The following PID1 variants were observed in gnomAD, a reference collection of about 807,000 sequenced individuals.
PID1 encodes the protein phosphotyrosine interaction domain containing 1, also known as PTB-containing, cubilin and LRP1-interacting protein.
A neutral mutation model predicts 19.1 loss-of-function variants in PID1; 10 were observed. The ratio of observed to expected loss-of-function variants is 0.52; its 90% CI spans 0.32 to 0.89. PID1 has a LOEUF of 0.89. Ranked by LOEUF, PID1 falls within the 40% of genes least tolerant of loss-of-function variation. The pLI is 0.03. For missense variants in PID1, 248 were observed against 285.3 expected (o/e 0.87, Z 0.94); for synonymous variants, 130 against 116.0 (o/e 1.12, Z -0.78).
At chr2:229,051,764 T>C (rs1435338461) in intron 2 of PID1, among the ~76,000 whole-genome samples, 2 of 152,208 alleles carry the variant, frequency 1.3e-5, no homozygotes, top group Non-Finnish European at 1.5e-5. Context: ...TCTGCCTCAT[T>C]GTAAAGTCTG....
At chr2:229,210,267 C>T (rs1691699632) in intron 1 of PID1, among the ~76,000 whole-genome samples, 1 of 151,854 alleles carries the variant, frequency 6.6e-6, no homozygotes. Context: ...AATCCCAGCA[C>T]TTTGGGAGGC....
chr2:229,270,125 G>T (rs1166615660), intron 1 of PID1, among the ~76,000 whole-genome samples: 1 of 152,202 alleles, frequency 6.6e-6, no homozygotes, highest in African/African-American at 2.4e-5. Context: ...AGTTAAACAC[G>T]TCTTCAAAGT....
intron 1 of PID1, among the ~76,000 whole-genome samples, chr2:229,194,004 C>T (rs762581183): frequency 7.2e-5 from 11 of 152,018 alleles, no homozygotes; most frequent in South Asian, 2.1e-4. Context: ...GAATTTATTA[C>T]CCCATGTATA....
rs756431970 is a variant in PID1, at chr2:229,121,696, A to G, written c.177+34122T>C. On this transcript the variant is annotated intron_variant, in intron 2 of 2. Coordinates refer to ENST00000392055, the MANE Select transcript of PID1 (RefSeq NM_001100818.2). Reference sequence around the variant, plus strand: ...TCTCAAATTATACTTTGGAGAGAGGAGTATGTGTATGGAGGGGGGAGGTAT... The same window carrying G: ...TCTCAAATTATACTTTGGAGAGAGGGGTATGTGTATGGAGGGGGGAGGTAT... Among the ~76,000 whole-genome samples the G allele has an allele frequency of 3.9e-5, 6 of 152,120 alleles. No individual in the cohort carries two copies. In the South Asian group the frequency reaches 1.0e-3, roughly 26 times the overall value.
At chr2:229,077,015 G>C (rs1230427204) in intron 2 of PID1, among the ~76,000 whole-genome samples, 1 of 152,200 alleles carries the variant, frequency 6.6e-6, no homozygotes, top group East Asian at 1.9e-4. Context: ...CTCACCAACA[G>C]TGTAAAAGCA....
intron 2 of PID1, among the ~76,000 whole-genome samples, chr2:229,144,513 A>T (rs1036804398): frequency 1.3e-5 from 2 of 152,172 alleles, no homozygotes; most frequent in African/African-American, 4.8e-5. Flanking sequence ...AAATTGAACA[A>T]TAAAGGAAAT....
intron 2 of PID1, among the ~76,000 whole-genome samples, chr2:229,130,993 C>T (rs1689727436): frequency 1.3e-5 from 2 of 152,106 alleles, no homozygotes; most frequent in African/African-American, 2.4e-5. Flanking sequence ...CCCAAATTTC[C>T]ACTTTTTATA....
At chr2:229,066,670 A>G (rs1694333302) in intron 2 of PID1, among the ~76,000 whole-genome samples, 1 of 152,050 alleles carries the variant, frequency 6.6e-6, no homozygotes, top group South Asian at 2.1e-4. Context: ...CCTCAGAGAC[A>G]GATATTTGAA....
intron 2 of PID1, among the ~76,000 whole-genome samples, chr2:229,098,743 T>C (rs944447223): frequency 6.6e-6 from 1 of 152,204 alleles, no homozygotes; most frequent in Non-Finnish European, 1.5e-5. Flanking sequence ...TGCTCCTCCA[T>C]TCTTTCTGAG....
chr2:229,198,368 C>T (rs1691422278), intron 1 of PID1, among the ~76,000 whole-genome samples: 1 of 152,030 alleles, frequency 6.6e-6, no homozygotes, highest in Non-Finnish European at 1.5e-5. Flanking sequence ...GTCTCTGGTA[C>T]AGAAGGAGCT....
chr2:229,226,413 T>C (rs908248882), intron 1 of PID1, among the ~76,000 whole-genome samples: 1 of 152,212 alleles, frequency 6.6e-6, no homozygotes, highest in African/African-American at 2.4e-5. Context: ...AATCCAGCAG[T>C]AAAATGAACA....
intron 2 of PID1, among the ~76,000 whole-genome samples, chr2:229,055,204 A>G (rs1416801259): frequency 1.3e-5 from 2 of 152,188 alleles, no homozygotes; most frequent in Non-Finnish European, 1.5e-5. Flanking sequence ...ATGCAAGAAG[A>G]GATGTGAAGC....
chr2:229,113,494 A>ATG (rs545538306), intron 2 of PID1, among the ~76,000 whole-genome samples: 1 of 117,218 alleles, frequency 8.5e-6, no homozygotes, highest in South Asian at 2.6e-4. Flanking sequence ...ATATACATGT[A>ATG]TGTGTGTGTG....
At chr2:229,099,104 G>A (rs543901906) in intron 2 of PID1, among the ~76,000 whole-genome samples, 13 of 152,210 alleles carry the variant, frequency 8.5e-5, no homozygotes, top group African/African-American at 3.1e-4. Context: ...AACAATTTTT[G>A]TGTCTTTCAA....
Position 229,269,156 on chromosome 2 carries a change from C to T in PID1, c.30+1858G>A, listed in dbSNP as rs940708589. On this transcript the variant is annotated intron_variant, in intron 1 of 2. Transcript: ENST00000392055. ...TGGTAAGGACCTTCCAACAGTGACT[C>T]GGTCTTATTGGTGATAAGCCCTGTT... 3.3e-5 allele frequency among the ~76,000 whole-genome samples: 5 copies of T among 150,888 alleles called. No homozygotes were observed. The East Asian group carries it at 7.7e-4, about 23-fold the overall frequency.
intron 1 of PID1, among the ~76,000 whole-genome samples, chr2:229,195,057 T>G (rs192284043): frequency 6.6e-6 from 1 of 151,966 alleles, no homozygotes; most frequent in Admixed American, 6.6e-5. Context: ...GAAATAATTC[T>G]TGTCCATGAG....
chr2:229,256,385 T>C (rs985387512), intron 1 of PID1, among the ~76,000 whole-genome samples: 2 of 152,218 alleles, frequency 1.3e-5, no homozygotes, highest in Non-Finnish European at 2.9e-5. Context: ...GAAATATTTC[T>C]GCAAGCTAAA....
At chr2:229,081,785 T>C (rs1360454109) in intron 2 of PID1, among the ~76,000 whole-genome samples, 2 of 152,156 alleles carry the variant, frequency 1.3e-5, no homozygotes, top group Non-Finnish European at 2.9e-5. Flanking sequence ...AAGTTAATAG[T>C]GTTTGCAGAA....
At chr2:229,070,773 T>G (rs1207234020) in intron 2 of PID1, among the ~76,000 whole-genome samples, 2 of 152,160 alleles carry the variant, frequency 1.3e-5, no homozygotes, top group African/African-American at 4.8e-5. Flanking sequence ...GATTAGAGGG[T>G]GGGATGAGGA....
Sources: gnomAD v4.1 joint callset for allele counts (sites outside exome capture counted in the v4.1 genomes callset) on GRCh38, gnomAD v4.1.1 for gene constraint, MANE v1.5 for transcripts, NCBI Gene and HGNC (gene_info 2026-07-23, HGNC 2026-07-21) for gene names.